The following PTPRT variants were observed in gnomAD, a reference collection of about 807,000 sequenced individuals.
PTPRT encodes protein tyrosine phosphatase receptor type T, also known as receptor-type tyrosine-protein phosphatase T.
PTPRT carries 56 observed loss-of-function variants against 176.8 expected under a neutral mutation model. The ratio of observed to expected loss-of-function variants is 0.32; its 90% CI spans 0.26 to 0.40. PTPRT has a LOEUF of 0.40. PTPRT is among the 10% of genes least tolerant of loss of function. The pLI, the probability that PTPRT is intolerant of heterozygous loss-of-function variation, is 1.00. For synonymous variants in PTPRT, 783 were observed against 739.0 expected (o/e 1.06, Z -0.96); for missense variants, 1,540 against 1,908.2 (o/e 0.81, Z 3.60).
At chr20:43,176,607 G>A (rs1343016877) in intron 1 of PTPRT, among the ~76,000 whole-genome samples, 1 of 152,138 alleles carries the variant, frequency 6.6e-6, no homozygotes, top group Non-Finnish European at 1.5e-5. Flanking sequence ...CTCTTCTAAA[G>A]AGTGTAGCCT....
chr20:43,068,558 C>T (rs1279606403), intron 1 of PTPRT, among the ~76,000 whole-genome samples: 1 of 146,908 alleles, frequency 6.8e-6, no homozygotes, highest in African/African-American at 2.5e-5. Context: ...GTTTGGGACA[C>T]ACTGAGTTTG....
intron 16 of PTPRT, among the ~76,000 whole-genome samples, chr20:42,191,421 G>A (rs1990999713): frequency 6.6e-6 from 1 of 152,206 alleles, no homozygotes; most frequent in Non-Finnish European, 1.5e-5. Context: ...GAGGGTGATG[G>A]TAGCTCTCTG....
intron 17 of PTPRT, among the ~76,000 whole-genome samples, chr20:42,157,661 G>C (rs1477384397): frequency 6.6e-6 from 1 of 151,972 alleles, no homozygotes; most frequent in Non-Finnish European, 1.5e-5. Flanking sequence ...TGCTCCTCTA[G>C]AATCTGGCAA....
chr20:43,160,827 T>C (rs1457740282), intron 1 of PTPRT, among the ~76,000 whole-genome samples: 1 of 152,134 alleles, frequency 6.6e-6, no homozygotes, highest in African/African-American at 2.4e-5. Flanking sequence ...ATTGGCCCTG[T>C]ACTGCTTCCT....
rs183996882 is a variant in PTPRT, at chr20:42,183,836, T to G, written c.2491+15404A>C. Among the ~76,000 whole-genome samples, 12 of 152,228 alleles carry G rather than the reference T, an allele frequency of 7.9e-5. No individual in the cohort carries two copies. In the East Asian group the frequency reaches 2.3e-3, roughly 29 times the overall value. On this transcript the variant is annotated intron_variant, in intron 16 of 30. Transcript: ENST00000373187. ...GAAGCTGGCTAGTTCTGAGCCTAGT[T>G]TTTAGGAGGACTAGCATTTCTCCTG...
intron 1 of PTPRT, among the ~76,000 whole-genome samples, chr20:43,188,192 A>G (rs1309205017): frequency 6.6e-6 from 1 of 151,632 alleles, no homozygotes; most frequent in African/African-American, 2.4e-5. Flanking sequence ...CCCCTAGCAC[A>G]CCTAACACAC....
At chr20:42,569,186 C>G (rs977951187) in intron 7 of PTPRT, among the ~76,000 whole-genome samples, 2 of 143,244 alleles carry the variant, frequency 1.4e-5, no homozygotes, top group African/African-American at 5.2e-5. Context: ...CCTTACAACC[C>G]TAGGAGGAGA....
At chr20:43,157,206 A>AAG (rs2014547957) in intron 1 of PTPRT, among the ~76,000 whole-genome samples, 1 of 151,710 alleles carries the variant, frequency 6.6e-6, no homozygotes, top group Admixed American at 6.6e-5. Context: ...ATACAAAAAA[A>AAG]AAAAATAGCC....
chr20:42,665,583 C>T (rs1000172307), intron 7 of PTPRT, among the ~76,000 whole-genome samples: 1 of 152,100 alleles, frequency 6.6e-6, no homozygotes, highest in African/African-American at 2.4e-5. Flanking sequence ...CCCAGCCATC[C>T]AATTACTGGG....
intron 7 of PTPRT, among the ~76,000 whole-genome samples, chr20:42,608,798 G>T (rs1310976851): frequency 6.6e-6 from 1 of 152,168 alleles, no homozygotes; most frequent in Non-Finnish European, 1.5e-5. Flanking sequence ...TGAAGGAGAA[G>T]ATCTTCAAGG....
intron 16 of PTPRT, among the ~76,000 whole-genome samples, chr20:42,194,995 G>A (rs982012532): frequency 2.0e-5 from 3 of 152,200 alleles, no homozygotes; most frequent in East Asian, 1.9e-4. Flanking sequence ...ATCACACACC[G>A]GGGCCTGTTG....
intron 12 of PTPRT, among the ~76,000 whole-genome samples, chr20:42,297,440 A>T (rs1353097142): frequency 1.3e-5 from 2 of 152,182 alleles, no homozygotes; most frequent in Non-Finnish European, 2.9e-5. Flanking sequence ...AGATAATTCA[A>T]CATCTTAAAG....
chr20:42,678,202 T>C (rs1336379429), intron 6 of PTPRT, 43 bp from the exon 7 acceptor site: 7 of 1,565,456 alleles, frequency 4.5e-6, no homozygotes, highest in Non-Finnish European at 5.2e-6. Context: ...ATTCAAATGA[T>C]TTACAGAGCA....
chr20:42,515,205 T>C (rs2072037778), intron 7 of PTPRT, among the ~76,000 whole-genome samples: 1 of 152,148 alleles, frequency 6.6e-6, no homozygotes, highest in Non-Finnish European at 1.5e-5. Flanking sequence ...ATGGACAAGT[T>C]TGGGCATGGT....
chr20:42,372,518 C>T (rs750091103), intron 9 of PTPRT, among the ~76,000 whole-genome samples: 29 of 152,012 alleles, frequency 1.9e-4, no homozygotes, highest in Non-Finnish European at 3.5e-4. Flanking sequence ...CTTCTGGCCT[C>T]AAGTGGTCCA....
chr20:43,169,358 C>G (rs1034742825), intron 1 of PTPRT, among the ~76,000 whole-genome samples: 2 of 152,200 alleles, frequency 1.3e-5, no homozygotes, highest in African/African-American at 4.8e-5. Flanking sequence ...ACTGCCACTA[C>G]ATCTTCAGTA....
chr20:43,057,988 A>T (rs1368074788), intron 1 of PTPRT, among the ~76,000 whole-genome samples: 2 of 152,240 alleles, frequency 1.3e-5, no homozygotes, highest in Non-Finnish European at 2.9e-5. Context: ...AGATGAACAA[A>T]AAAACAAGAA....
intron 16 of PTPRT, among the ~76,000 whole-genome samples, chr20:42,197,423 A>G (rs950270352): frequency 3.3e-5 from 5 of 151,526 alleles, no homozygotes; most frequent in Non-Finnish European, 7.4e-5. Flanking sequence ...GAAAGAAAAA[A>G]TAAAGTTGAG....
At chr20:43,177,136 C>T (rs2015141722) in intron 1 of PTPRT, among the ~76,000 whole-genome samples, 1 of 152,118 alleles carries the variant, frequency 6.6e-6, no homozygotes, top group Non-Finnish European at 1.5e-5. Context: ...CATGAAGAGC[C>T]CACCACAATG....
Sources: gnomAD v4.1 joint callset for allele counts (sites outside exome capture counted in the v4.1 genomes callset) on GRCh38, gnomAD v4.1.1 for gene constraint, MANE v1.5 for transcripts, NCBI Gene and HGNC (gene_info 2026-07-23, HGNC 2026-07-21) for gene names.